Variants in SLC7A1 observed in about 807,000 individuals in gnomAD.
SLC7A1 encodes high affinity cationic amino acid transporter 1.
In SLC7A1, 10 loss-of-function variants were observed where a neutral mutation model predicts 53.9. That is an observed-to-expected ratio of 0.19 (90% CI 0.11 to 0.31). SLC7A1 has a LOEUF of 0.31. Among genes scored for constraint, SLC7A1 ranks in the 10% least tolerant of loss-of-function variants. The pLI is 1.00. For synonymous variants in SLC7A1, 342 were observed against 338.7 expected (o/e 1.01, Z -0.11); for missense variants, 525 against 827.2 (o/e 0.63, Z 4.48).
In SLC7A1 at chr13:29,589,875, C is replaced by T. The variant is rs536513098; in HGVS notation, c.-115+5541G>A. On this transcript the variant is annotated intron_variant, in intron 1 of 12. Transcript: ENST00000380752. ...GCCACCTGCCTTCCCCTCTCCCCATCAGTCACACCAGAAGGGCCGATCCCA... is the reference window on the plus strand; with the variant it reads ...GCCACCTGCCTTCCCCTCTCCCCATTAGTCACACCAGAAGGGCCGATCCCA... Among the ~76,000 whole-genome samples, 10 of 152,312 alleles carry T rather than the reference C, an allele frequency of 6.6e-5. No individual in the cohort carries two copies. In the South Asian group the frequency reaches 1.4e-3, roughly 22 times the overall value.
At chr13:29,560,537 A>G (rs1870707462) in intron 1 of SLC7A1, among the ~76,000 whole-genome samples, 1 of 151,704 alleles carries the variant, frequency 6.6e-6, no homozygotes, top group Non-Finnish European at 1.5e-5. Context: ...ACTATTACAT[A>G]GTAAAAACCC....
chr13:29,581,433 A>G (rs1170587664), intron 1 of SLC7A1, among the ~76,000 whole-genome samples: 10 of 152,212 alleles, frequency 6.6e-5, no homozygotes, highest in South Asian at 6.2e-4. Context: ...GACACAGCCA[A>G]GGTTTCCCTG....
intron 1 of SLC7A1, among the ~76,000 whole-genome samples, chr13:29,554,839 C>A (rs1870359099): frequency 6.6e-6 from 1 of 152,196 alleles, no homozygotes. Flanking sequence ...TAATTCATCC[C>A]ACACTGATAT....
In SLC7A1 at chr13:29,523,604, C is replaced by A. The variant is rs1868738849; in HGVS notation, c.827-116G>T. ...ACCCACGTGACCCTACGAGAAACCT[C>A]CCTCCAGCACTCAGCCCTGTGGGCA... On this transcript the variant is annotated intron_variant, in intron 6 of 12. Coordinates refer to ENST00000380752, the MANE Select transcript of SLC7A1 (RefSeq NM_003045.5). 11 of 733,902 alleles carry A rather than the reference C, an allele frequency of 1.5e-5. No homozygotes were observed. The Middle Eastern group carries it at 9.8e-4, about 65-fold the overall frequency. 45.5% of individuals were successfully genotyped at this position (733,902 alleles called of 1,614,324 possible). A position where few individuals can be genotyped will look rare whatever the true frequency, so the allele number is the denominator to read the frequency against.
chr13:29,541,589 CT>C (rs1046601832), intron 2 of SLC7A1, among the ~76,000 whole-genome samples: 2 of 152,158 alleles, frequency 1.3e-5, no homozygotes, highest in African/African-American at 4.8e-5. Context: ...GGGAAAACCC[CT>C]ATTCATAAAC....
intron 2 of SLC7A1, among the ~76,000 whole-genome samples, chr13:29,542,812 A>G (rs1869727546): frequency 6.6e-6 from 1 of 152,020 alleles, no homozygotes; most frequent in Non-Finnish European, 1.5e-5. Flanking sequence ...AGCTTAAAAA[A>G]AAAACCAATC....
chr13:29,512,226 T>C lies in SLC7A1; in HGVS notation c.*2254A>G, dbSNP rs554972033. 3.3e-5 allele frequency: 5 copies of C among 152,256 alleles called. No individual in the cohort carries two copies. In the East Asian group the frequency reaches 9.7e-4, roughly 29 times the overall value. The allele number at this position is 152,256 out of a possible 1,614,324, so 9.4% of individuals were successfully genotyped here. A position where few individuals can be genotyped will look rare whatever the true frequency, so the allele number is the denominator to read the frequency against. On this transcript the variant is annotated 3_prime_UTR_variant, in exon 13 of 13. Coordinates refer to ENST00000380752, the MANE Select transcript of SLC7A1 (RefSeq NM_003045.5). ...CCGTCCTCTAAGGAGGGGGCATGGG[T>C]CCCATCCCTGCCCAGCCTAGGCGTG...
intron 5 of SLC7A1, among the ~76,000 whole-genome samples, chr13:29,529,699 A>G (rs1162666629): frequency 6.6e-6 from 1 of 151,952 alleles, no homozygotes; most frequent in Non-Finnish European, 1.5e-5. Flanking sequence ...TTAAAGCCAC[A>G]CTCCATTGTG....
At chr13:29,581,470 T>C (rs575044632) in intron 1 of SLC7A1, among the ~76,000 whole-genome samples, 2 of 152,282 alleles carry the variant, frequency 1.3e-5, no homozygotes, top group South Asian at 4.2e-4. Flanking sequence ...ACCTTTGGGG[T>C]GACAGAGATG....
chr13:29,516,051 G>T, intron 12 of SLC7A1, 87 bp downstream of exon 12: 1 of 744,832 alleles, frequency 1.3e-6, no homozygotes, highest in Non-Finnish European at 2.3e-6. Flanking sequence ...CTGACTGGAT[G>T]TGCGTCATTC....
At chr13:29,571,578 T>C (rs1871192559) in intron 1 of SLC7A1, among the ~76,000 whole-genome samples, 2 of 152,212 alleles carry the variant, frequency 1.3e-5, no homozygotes, top group African/African-American at 4.8e-5. Flanking sequence ...CAGAGGCCTT[T>C]CCATCTCAGT....
In SLC7A1 at chr13:29,524,111, C is replaced by T. The variant is rs374701228; in HGVS notation, c.826+21G>A. 858 of 1,612,268 alleles carry T rather than the reference C, an allele frequency of 5.3e-4. 1 individual carries two copies. Among genetic ancestry groups the T allele is most frequent in the Non-Finnish European group, 5.8e-4 (686 of 1,179,538 alleles). On this transcript the variant is annotated intron_variant, in intron 6 of 12. Coordinates refer to ENST00000380752, the MANE Select transcript of SLC7A1 (RefSeq NM_003045.5). The stretch of plus-strand genomic sequence containing the variant: ...CCCAGGGTGCAGGAGGACCCGGGAC[C>T]GCAGTGGCTGGCGGACATACCTGTG...
chr13:29,532,277 G>T (rs1160745018), intron 4 of SLC7A1, among the ~76,000 whole-genome samples: 2 of 152,200 alleles, frequency 1.3e-5, no homozygotes, highest in African/African-American at 4.8e-5. Flanking sequence ...GCTGTGTTCA[G>T]GCAGTCTCTG....
chr13:29,519,599 G>T, intron 8 of SLC7A1, 50 bp from the exon 9 acceptor site: 1 of 1,164,388 alleles, frequency 8.6e-7, no homozygotes, highest in South Asian at 1.3e-5. Context: ...TGCATGCAAT[G>T]ACAACCAGGA....
At chr13:29,517,549 C>A in intron 10 of SLC7A1, 24 bp downstream of exon 10, 2 of 1,571,662 alleles carry the variant, frequency 1.3e-6, no homozygotes, top group Middle Eastern at 1.7e-4. Flanking sequence ...ACAAGCAAGG[C>A]CCCAGGGAAG....
intron 1 of SLC7A1, among the ~76,000 whole-genome samples, chr13:29,576,011 C>T (rs913884615): frequency 2.6e-5 from 4 of 151,912 alleles, no homozygotes; most frequent in Non-Finnish European, 4.4e-5. Flanking sequence ...ATTTAGGCCA[C>T]GTGTGGTAGC....
In SLC7A1 at chr13:29,544,871, G is replaced by T. The variant is rs1005075847; in HGVS notation, c.-14-8669C>A. On this transcript the variant is annotated intron_variant, in intron 2 of 12. Transcript: ENST00000380752. ...GTGACATCGCACCTGCCTCATCGGG[G>T]GGGGGGGGCAAGCTCTTCCCACTGA... Among the ~76,000 whole-genome samples the T allele has an allele frequency of 1.2e-3, 181 of 151,080 alleles. 2 individuals are homozygous for T. Among genetic ancestry groups the T allele is most frequent in the Non-Finnish European group, 1.9e-3 (127 of 67,832 alleles).
intron 7 of SLC7A1, 45 bp downstream of exon 7, chr13:29,523,220 TG>T: frequency 6.6e-7 from 1 of 1,507,146 alleles, no homozygotes; most frequent in Non-Finnish European, 9.2e-7. Flanking sequence ...TAACCCCTGC[TG>T]GTGGTTCCAC....
At chr13:29,516,939 G>A (rs980768756) in intron 11 of SLC7A1, 1 of 489,350 alleles carries the variant, frequency 2.0e-6, no homozygotes, top group South Asian at 4.1e-5. Context: ...TCAGGGAAAC[G>A]TCCAGGGGAG....
Sources: allele counts gnomAD v4.1 joint callset (sites outside exome capture counted in the v4.1 genomes callset), GRCh38; gene constraint gnomAD v4.1.1; transcripts MANE v1.5; gene names NCBI Gene and HGNC (gene_info 2026-07-23, HGNC 2026-07-21).